CCDC102B: variants seen among roughly 807,000 people sequenced by gnomAD.
CCDC102B encodes coiled-coil domain containing 102B, also known as coiled-coil domain-containing protein 102B.
A neutral mutation model predicts 57.4 loss-of-function variants in CCDC102B; 75 were observed. The ratio of observed to expected loss-of-function variants is 1.31; its 90% confidence interval spans 1.08 to 1.58. CCDC102B has a LOEUF of 1.58. Among genes scored for constraint, CCDC102B ranks in the 40% most tolerant of loss-of-function variants. The probability of loss-of-function intolerance (pLI) is 0.00; values close to 1 mark genes in which losing one functional copy is unlikely to be tolerated. For synonymous variants in CCDC102B, 206 were observed against 201.9 expected (o/e 1.02, Z -0.17); for missense variants, 636 against 582.6 (o/e 1.09, Z -0.94).
In CCDC102B at chr18:69,043,517, C is replaced by T. The variant is rs550780439; in HGVS notation, c.1435-10513C>T. Reference sequence around the variant, plus strand: ...TGGCTTTCCTAGGCAGAGGTCCCTGCGGCCTTCCTCAGTGTTTGTGTCCCT... The same window carrying T: ...TGGCTTTCCTAGGCAGAGGTCCCTGTGGCCTTCCTCAGTGTTTGTGTCCCT... On this transcript the variant is annotated intron_variant, in intron 7 of 7. Transcript: ENST00000360242. 1.2e-3 allele frequency among the ~76,000 whole-genome samples: 184 copies of T among 152,142 alleles called. 1 individual carries two copies. Among genetic ancestry groups the T allele is most frequent in the Middle Eastern group, 6.8e-3 (2 of 294 alleles).
At chr18:68,983,067 A>G (rs1487085508) in intron 6 of CCDC102B, among the ~76,000 whole-genome samples, 1 of 151,854 alleles carries the variant, frequency 6.6e-6, no homozygotes, top group African/African-American at 2.4e-5. Flanking sequence ...TTGTGTTCAT[A>G]CTATTCAATT....
intron 2 of CCDC102B, chr18:68,838,334 CT>C: frequency 3.7e-6 from 3 of 816,672 alleles, no homozygotes; most frequent in Non-Finnish European, 4.4e-6. Context: ...AAAATGATTG[CT>C]TTGAAACTGT....
At chr18:68,900,707 TA>T (rs2040418710) in intron 6 of CCDC102B, among the ~76,000 whole-genome samples, 2 of 152,236 alleles carry the variant, frequency 1.3e-5, no homozygotes, top group Admixed American at 1.3e-4. Context: ...ATAACATAAA[TA>T]AGTTAACATA....
intron 2 of CCDC102B, among the ~76,000 whole-genome samples, chr18:68,759,383 C>T (rs1175306058): frequency 6.6e-6 from 1 of 152,010 alleles, no homozygotes; most frequent in African/African-American, 2.4e-5. Context: ...AAAGAATAGA[C>T]ATAAATACGT....
At chr18:68,742,238 A>G (rs1033546447) in intron 2 of CCDC102B, among the ~76,000 whole-genome samples, 23 of 152,156 alleles carry the variant, frequency 1.5e-4, no homozygotes, top group African/African-American at 5.3e-4. Flanking sequence ...CTTGGCTCAT[A>G]GAAGCATCAC....
intron 2 of CCDC102B, among the ~76,000 whole-genome samples, chr18:68,716,788 G>A (rs1379893956): frequency 6.6e-6 from 1 of 151,904 alleles, no homozygotes; most frequent in African/African-American, 2.4e-5. Context: ...TAAAAAATTA[G>A]CCAGATGTGG....
downstream of CCDC102B, among the ~76,000 whole-genome samples, chr18:69,056,927 C>T (rs1292074945): frequency 6.6e-6 from 1 of 151,882 alleles, no homozygotes; most frequent in Admixed American, 6.6e-5. Context: ...CTTCTCAGCC[C>T]CTTTCTAGGA....
intron 1 of CCDC102B, among the ~76,000 whole-genome samples, chr18:68,818,987 C>T (rs1032581429): frequency 2.0e-5 from 3 of 152,026 alleles, no homozygotes; most frequent in Non-Finnish European, 4.4e-5. Flanking sequence ...TTTTTCTTGT[C>T]AGTTTGTGAC....
rs912773921 is a variant in CCDC102B, at chr18:68,807,458, G to A, written c.-16+9277G>A. On this transcript the variant is annotated intron_variant, in intron 1 of 7. Coordinates refer to ENST00000360242, the MANE Select transcript of CCDC102B (RefSeq NM_024781.3). ...TTTTGAGGAAGAATTAAGATATGACGTTACAGGAATTACTTGGGAAAGAGT... is the reference window on the plus strand; with the variant it reads ...TTTTGAGGAAGAATTAAGATATGACATTACAGGAATTACTTGGGAAAGAGT... 5.9e-5 allele frequency among the ~76,000 whole-genome samples: 9 copies of A among 152,054 alleles called. 1 individual carries two copies. Among genetic ancestry groups the A allele is most frequent in the Admixed American group, 2.0e-4 (3 of 15,276 alleles).
At chr18:68,847,055 G>A (rs1439986626) in intron 4 of CCDC102B, among the ~76,000 whole-genome samples, 1 of 151,672 alleles carries the variant, frequency 6.6e-6, no homozygotes, top group African/African-American at 2.4e-5. Flanking sequence ...GTGTATTAAA[G>A]CATGGTATTA....
chr18:68,796,064 C>A (rs1467607364), upstream of CCDC102B, among the ~76,000 whole-genome samples: 5 of 152,142 alleles, frequency 3.3e-5, no homozygotes. Context: ...GATTAAAAAA[C>A]CTTCATGGAC....
chr18:69,030,902 C>T (rs2052123244), intron 7 of CCDC102B, among the ~76,000 whole-genome samples: 1 of 152,200 alleles, frequency 6.6e-6, no homozygotes, highest in Non-Finnish European at 1.5e-5. Flanking sequence ...ATCCGCCTGC[C>T]TTGGCCTCCC....
intron 5 of CCDC102B, among the ~76,000 whole-genome samples, chr18:68,887,783 A>G (rs762423333): frequency 6.6e-6 from 1 of 152,228 alleles, no homozygotes; most frequent in African/African-American, 2.4e-5. Flanking sequence ...CATCAAAATC[A>G]ATACATATTT....
intron 4 of CCDC102B, among the ~76,000 whole-genome samples, chr18:68,870,486 A>G (rs1028449621): frequency 6.6e-6 from 1 of 152,208 alleles, no homozygotes; most frequent in Non-Finnish European, 1.5e-5. Context: ...ATTTCAAGAT[A>G]CACGAGAGAA....
At chr18:68,959,848 T>C (rs2050001289) in intron 6 of CCDC102B, among the ~76,000 whole-genome samples, 1 of 152,122 alleles carries the variant, frequency 6.6e-6, no homozygotes, top group Non-Finnish European at 1.5e-5. Flanking sequence ...CATTCAGCTT[T>C]GGTGAATTCT....
Position 68,881,182 on chromosome 18 carries a change from C to G in CCDC102B, c.1053+6397C>G, listed in dbSNP as rs184500169. On this transcript the variant is annotated intron_variant, in intron 5 of 7. Coordinates refer to ENST00000360242, the MANE Select transcript of CCDC102B (RefSeq NM_024781.3). ...GGGATGAAAAGAAAAATAAACAGGCCAAGAAGCTTTCCCCTTCAAAGAAGC... is the reference window on the plus strand; with the variant it reads ...GGGATGAAAAGAAAAATAAACAGGCGAAGAAGCTTTCCCCTTCAAAGAAGC... 2.7e-3 allele frequency among the ~76,000 whole-genome samples: 412 copies of G among 152,210 alleles called. 4 individuals carry two copies. Among genetic ancestry groups the G allele is most frequent in the African/African-American group, 9.6e-3 (397 of 41,534 alleles).
intron 2 of CCDC102B, among the ~76,000 whole-genome samples, chr18:68,760,104 A>G (rs1313994369): frequency 3.3e-5 from 5 of 152,160 alleles, no homozygotes; most frequent in Middle Eastern, 3.4e-3. Context: ...TTTCCTAATA[A>G]ACCTCCTGCA....
At chr18:69,015,352 G>A (rs1489057895) in intron 7 of CCDC102B, among the ~76,000 whole-genome samples, 1 of 152,148 alleles carries the variant, frequency 6.6e-6, no homozygotes, top group Non-Finnish European at 1.5e-5. Flanking sequence ...CAGTTGTAAG[G>A]TAACCAGTTT....
chr18:68,990,028 C>A (rs1391602150), intron 6 of CCDC102B, among the ~76,000 whole-genome samples: 1 of 152,194 alleles, frequency 6.6e-6, no homozygotes, highest in Non-Finnish European at 1.5e-5. Context: ...ACTCCTGGAT[C>A]ATCCCACACA....
Sources: gnomAD v4.1 joint callset for allele counts (sites outside exome capture counted in the v4.1 genomes callset) on GRCh38, gnomAD v4.1.1 for gene constraint, MANE v1.5 for transcripts, NCBI Gene and HGNC (gene_info 2026-07-23, HGNC 2026-07-21) for gene names.